RALGPS2: variants seen among roughly 807,000 people sequenced by gnomAD.
RALGPS2 encodes the protein ras-specific guanine nucleotide-releasing factor RalGPS2.
In RALGPS2, 43 loss-of-function variants were observed where a neutral mutation model predicts 86.8. The observed-to-expected ratio is 0.50, with a 90% confidence interval of 0.39 to 0.64. The LOEUF is 0.64. Among genes scored for constraint, RALGPS2 ranks in the 30% least tolerant of loss-of-function variants. The pLI is 0.00. For missense variants in RALGPS2, 536 were observed against 694.6 expected (o/e 0.77, Z 2.57); for synonymous variants, 243 against 231.3 (o/e 1.05, Z -0.46).
chr1:178,837,355 C>G (rs912146009), intron 8 of RALGPS2, among the ~76,000 whole-genome samples: 11 of 152,138 alleles, frequency 7.2e-5, no homozygotes, highest in African/African-American at 2.2e-4. Flanking sequence ...CTTCTTCCTC[C>G]AAACTTGATC....
intron 1 of RALGPS2, among the ~76,000 whole-genome samples, chr1:178,731,227 T>A (rs1224915196): frequency 6.7e-6 from 1 of 149,098 alleles, no homozygotes; most frequent in East Asian, 2.0e-4. Context: ...AAGGTAAAAA[T>A]CATCTTCAAA....
intron 8 of RALGPS2, among the ~76,000 whole-genome samples, chr1:178,841,182 G>A (rs1235365499): frequency 1.3e-5 from 2 of 150,900 alleles, no homozygotes; most frequent in South Asian, 2.1e-4. Context: ...CCAAAGCCTG[G>A]CAGAGACACA....
At chr1:178,744,817 CAAAAAAAAA>C (rs148175568) in intron 1 of RALGPS2, among the ~76,000 whole-genome samples, 3 of 66,030 alleles carry the variant, frequency 4.5e-5, no homozygotes, top group Admixed American at 3.9e-4. Context: ...GACTCCATCT[CAAAAAAAAA>C]AAAAAAAAAA....
chr1:178,785,468 T>G, intron 3 of RALGPS2, 89 bp from the exon 4 acceptor site: 1 of 1,354,704 alleles, frequency 7.4e-7, no homozygotes, highest in Non-Finnish European at 9.8e-7. Context: ...TTTGGTAATA[T>G]TTTAGTATAG....
At chr1:178,755,132 CCTTTTTT>C (rs1651884933) in intron 1 of RALGPS2, among the ~76,000 whole-genome samples, 1 of 152,062 alleles carries the variant, frequency 6.6e-6, no homozygotes, top group Admixed American at 6.6e-5. Flanking sequence ...TGTCACATTT[CCTTTTTT>C]CTTTTTATTT....
chr1:178,769,646 C>T (rs1278381900), intron 1 of RALGPS2, among the ~76,000 whole-genome samples: 1 of 152,084 alleles, frequency 6.6e-6, no homozygotes, highest in Non-Finnish European at 1.5e-5. Flanking sequence ...TGCTGGGGTA[C>T]CCAGCAGTGA....
intron 4 of RALGPS2, among the ~76,000 whole-genome samples, chr1:178,788,840 T>G (rs1052528316): frequency 2.3e-4 from 26 of 111,598 alleles, no homozygotes; most frequent in African/African-American, 9.9e-4. Context: ...TTTCTTTCTT[T>G]CTTTCTTTTC....
chr1:178,768,923 G>A (rs1652646072), intron 1 of RALGPS2, among the ~76,000 whole-genome samples: 1 of 152,210 alleles, frequency 6.6e-6, no homozygotes, highest in Admixed American at 6.5e-5. Context: ...TGGGACCTGG[G>A]CATGGAGCAG....
intron 4 of RALGPS2, among the ~76,000 whole-genome samples, chr1:178,801,362 A>G (rs191279315): frequency 7.9e-5 from 12 of 152,232 alleles, no homozygotes; most frequent in African/African-American, 2.9e-4. Flanking sequence ...AGATGTCTTA[A>G]TAGTAGCAAT....
At chr1:178,766,228 G>C (rs149833845) in intron 1 of RALGPS2, among the ~76,000 whole-genome samples, 2 of 151,924 alleles carry the variant, frequency 1.3e-5, no homozygotes, top group East Asian at 1.9e-4. Context: ...TATGTTCTTC[G>C]GCCATGGCTT....
intron 5 of RALGPS2, 43 bp from the exon 6 acceptor site, chr1:178,811,265 CTTACAAA>C (rs1558129839): frequency 2.1e-6 from 3 of 1,407,008 alleles, no homozygotes; most frequent in South Asian, 2.7e-5. Flanking sequence ...AGCAAAAAAA[CTTACAAA>C]TTAAAAATCA....
At chr1:178,807,042 T>G (rs1157112533) in intron 4 of RALGPS2, among the ~76,000 whole-genome samples, 1 of 152,198 alleles carries the variant, frequency 6.6e-6, no homozygotes, top group Non-Finnish European at 1.5e-5. Context: ...CAGTCTTAAA[T>G]ACTACCGTAT....
intron 19 of RALGPS2, among the ~76,000 whole-genome samples, chr1:178,909,091 G>T (rs1271255265): frequency 6.6e-6 from 1 of 152,150 alleles, no homozygotes; most frequent in East Asian, 1.9e-4. Flanking sequence ...TACAGTGTAA[G>T]GAAGGGGTCC....
chr1:178,915,060 A>G (rs910444086), intron 19 of RALGPS2, among the ~76,000 whole-genome samples: 9 of 152,212 alleles, frequency 5.9e-5, no homozygotes, highest in African/African-American at 2.2e-4. Context: ...CAACAAGTCA[A>G]CCAGACGTGT....
At chr1:178,852,856 T>C in intron 8 of RALGPS2, 1 of 1,613,942 alleles carries the variant, frequency 6.2e-7, no homozygotes, top group Non-Finnish European at 8.5e-7. Flanking sequence ...ACTCCAGTCT[T>C]CTAATTCAAT....
At chr1:178,779,662 C>A (rs1341228641) in intron 2 of RALGPS2, among the ~76,000 whole-genome samples, 1 of 152,202 alleles carries the variant, frequency 6.6e-6, no homozygotes, top group Non-Finnish European at 1.5e-5. Context: ...TAGTCCAAGC[C>A]TTTTCTCTAA....
chr1:178,760,169 G>C (rs1341452234), intron 1 of RALGPS2, among the ~76,000 whole-genome samples: 1 of 152,136 alleles, frequency 6.6e-6, no homozygotes, highest in Non-Finnish European at 1.5e-5. Flanking sequence ...AGATCATATT[G>C]TATGGTTGAT....
chr1:178,878,589 T>A (rs1316248275), intron 9 of RALGPS2, among the ~76,000 whole-genome samples: 1 of 152,148 alleles, frequency 6.6e-6, no homozygotes, highest in Non-Finnish European at 1.5e-5. Context: ...AAAAGAAAAG[T>A]AACTGCCTTC....
At chr1:178,858,886 A>G (rs1657767133) in intron 8 of RALGPS2, among the ~76,000 whole-genome samples, 1 of 152,228 alleles carries the variant, frequency 6.6e-6, no homozygotes, top group South Asian at 2.1e-4. Context: ...CAGATTACAA[A>G]GAGAATCCTT....
Sources: allele counts gnomAD v4.1 joint callset (sites outside exome capture counted in the v4.1 genomes callset), GRCh38; gene constraint gnomAD v4.1.1; transcripts MANE v1.5; gene names NCBI Gene and HGNC (gene_info 2026-07-23, HGNC 2026-07-21).